BMPER: variants seen among roughly 807,000 people sequenced by gnomAD.
BMPER encodes the protein BMP-binding endothelial regulator protein.
Under a neutral mutation model 87.3 loss-of-function variants are expected in BMPER, and 45 were observed. The ratio of observed to expected loss-of-function variants is 0.52; its 90% confidence interval spans 0.41 to 0.66. The LOEUF is 0.66. Ranked by LOEUF, BMPER falls within the 30% of genes least tolerant of loss-of-function variation. The pLI is 0.00. For missense variants in BMPER, 784 were observed against 867.5 expected (o/e 0.90, Z 1.21); for synonymous variants, 326 against 316.2 (o/e 1.03, Z -0.33).
intron 13 of BMPER, among the ~76,000 whole-genome samples, chr7:34,141,155 T>C (rs1280148384): frequency 6.6e-6 from 1 of 152,230 alleles, no homozygotes; most frequent in East Asian, 1.9e-4. Context: ...ATTCATACAC[T>C]GGCATTTAGA....
intron 6 of BMPER, among the ~76,000 whole-genome samples, chr7:33,992,133 C>A (rs1365543270): frequency 6.6e-6 from 1 of 151,582 alleles, no homozygotes; most frequent in Non-Finnish European, 1.5e-5. Flanking sequence ...CCTATTAGGT[C>A]CACTTGGTGC....
At chr7:34,002,682 ATATG>A (rs1786613383) in intron 6 of BMPER, among the ~76,000 whole-genome samples, 1 of 151,712 alleles carries the variant, frequency 6.6e-6, no homozygotes, top group Admixed American at 6.6e-5. Flanking sequence ...TTTGCTTCAT[ATATG>A]TTAGGCCTCT....
chr7:33,956,039 C>CAAAA, intron 3 of BMPER, among the ~76,000 whole-genome samples: 1 of 140,508 alleles, frequency 7.1e-6, no homozygotes, highest in Middle Eastern at 3.8e-3. Context: ...CAAAAAACCA[C>CAAAA]AAAAAAAAAA....
At chr7:34,028,601 G>GATTTTTTTTTTTTTTTTTT (rs1787426612) in intron 6 of BMPER, among the ~76,000 whole-genome samples, 1 of 36,056 alleles carries the variant, frequency 2.8e-5, no homozygotes, top group African/African-American at 8.8e-5. Flanking sequence ...CATTTTTTCT[G>GATTTTTTTTTTTTTTTTTT]TTTTTTTTTT....
chr7:34,156,204 T>C lies in BMPER; in HGVS notation c.*2931T>C, dbSNP rs1341915288. Among the ~76,000 whole-genome samples the C allele has an allele frequency of 6.6e-6, 1 of 152,116 alleles. No homozygotes were observed. Among genetic ancestry groups the C allele is most frequent in the South Asian group, 2.1e-4 (1 of 4,822 alleles). On this transcript the variant is annotated 3_prime_UTR_variant, in exon 15 of 15. Transcript: ENST00000649409. Reference sequence around the variant, plus strand: ...ATAAGAACGAGAAAGACCCAGGAGGTTGACTAGCTTCTCCCAGCTTTCACT... The same window carrying C: ...ATAAGAACGAGAAAGACCCAGGAGGCTGACTAGCTTCTCCCAGCTTTCACT...
chr7:33,909,674 C>T (rs1361690512), intron 2 of BMPER, among the ~76,000 whole-genome samples: 1 of 57,228 alleles, frequency 1.7e-5, no homozygotes, highest in Admixed American at 2.4e-4. Context: ...TATTTCATAA[C>T]ATGTACAAAA....
At chr7:33,995,021 T>A (rs1204778946) in intron 6 of BMPER, among the ~76,000 whole-genome samples, 1 of 152,232 alleles carries the variant, frequency 6.6e-6, no homozygotes, top group Admixed American at 6.5e-5. Flanking sequence ...AAAATGTACA[T>A]CTTAAAATTT....
chr7:34,059,040 C>T (rs1441413824), intron 10 of BMPER, among the ~76,000 whole-genome samples: 1 of 151,172 alleles, frequency 6.6e-6, no homozygotes, highest in African/African-American at 2.4e-5. Context: ...AAAAAAAAAC[C>T]CTAATTAGTC....
At chr7:33,905,438 T>TCCCCCC, upstream of BMPER, 1 of 23,006 alleles carries the variant, frequency 4.3e-5, no homozygotes, top group Non-Finnish European at 8.2e-5. Context: ...CCTTGGTCTC[T>TCCCCCC]CCCCCCGCCC....
At chr7:34,100,059 T>G (rs1161741692) in intron 13 of BMPER, among the ~76,000 whole-genome samples, 2 of 152,108 alleles carry the variant, frequency 1.3e-5, no homozygotes, top group African/African-American at 4.8e-5. Flanking sequence ...CCTCCCTCCC[T>G]CTCTCTCTTC....
intron 5 of BMPER, among the ~76,000 whole-genome samples, chr7:33,971,982 A>G (rs1785560575): frequency 6.7e-6 from 1 of 149,690 alleles, no homozygotes; most frequent in African/African-American, 2.5e-5. Context: ...GGCTCACTGC[A>G]ACCTCTGCCT....
rs766110799 is a variant in BMPER at position 34,086,043 on chromosome 7, T to C, written c.1696T>C (p.Trp566Arg). Residue 566 changes from tryptophan (W) to arginine (R), a missense_variant, in exon 13 of 15, where the codon TGG becomes CGG. Coordinates refer to ENST00000649409, the MANE Select transcript of BMPER (RefSeq NM_001365308.1). ...AHRECQKLKS[W>R]EFQTCHSTVD... ...TCGAGAATGCCAAAAGCTCAAATCC[T>C]GGGAGTTTCAGACCTGCCACTCGAC... 2 of 1,613,648 alleles carry C rather than the reference T, an allele frequency of 1.2e-6. No individual in the cohort carries two copies. The highest frequency in any genetic ancestry group is 8.5e-7 in the Non-Finnish European group (1 of 1,179,968).
chr7:34,022,322 C>T (rs1354009512), intron 6 of BMPER, among the ~76,000 whole-genome samples: 1 of 152,002 alleles, frequency 6.6e-6, no homozygotes, highest in Non-Finnish European at 1.5e-5. Context: ...TTTTGCCTTC[C>T]CTCGTCCTGT....
intron 13 of BMPER, among the ~76,000 whole-genome samples, chr7:34,108,317 C>G (rs1365985894): frequency 6.6e-6 from 1 of 152,200 alleles, no homozygotes; most frequent in African/African-American, 2.4e-5. Context: ...GGACTTGCAT[C>G]ATAACCTTAG....
intron 6 of BMPER, among the ~76,000 whole-genome samples, chr7:33,977,352 A>T (rs1460210113): frequency 6.6e-6 from 1 of 151,924 alleles, no homozygotes; most frequent in Non-Finnish European, 1.5e-5. Flanking sequence ...TTCACTTTAG[A>T]GTGGAATATT....
intron 2 of BMPER, among the ~76,000 whole-genome samples, chr7:33,935,676 C>G (rs1296284473): frequency 6.6e-6 from 1 of 151,972 alleles, no homozygotes; most frequent in Non-Finnish European, 1.5e-5. Context: ...TAAGGACAAC[C>G]AGTAAATGAA....
At chr7:33,926,199 A>C (rs1784356541) in intron 2 of BMPER, among the ~76,000 whole-genome samples, 1 of 152,228 alleles carries the variant, frequency 6.6e-6, no homozygotes, top group African/African-American at 2.4e-5. Flanking sequence ...AATATTAGTT[A>C]AACAGATTCG....
intron 13 of BMPER, among the ~76,000 whole-genome samples, chr7:34,122,486 A>T (rs1035879579): frequency 1.3e-5 from 2 of 152,206 alleles, no homozygotes; most frequent in African/African-American, 2.4e-5. Context: ...TTTTGAATAG[A>T]GGGACCAGGG....
At chr7:34,065,247 T>TCTCTCC (rs1349826938) in intron 11 of BMPER, among the ~76,000 whole-genome samples, 7 of 144,546 alleles carry the variant, frequency 4.8e-5, no homozygotes, top group South Asian at 2.2e-4. Flanking sequence ...TCTCTCTCTC[T>TCTCTCC]CCCTCTCTCT....
Sources: gnomAD v4.1 joint callset for allele counts (sites outside exome capture counted in the v4.1 genomes callset) on GRCh38, gnomAD v4.1.1 for gene constraint, MANE v1.5 for transcripts, NCBI Gene and HGNC (gene_info 2026-07-23, HGNC 2026-07-21) for gene names.